UTRN: variants seen among roughly 807,000 people sequenced by gnomAD.
UTRN encodes dystrophin-related protein 1.
In UTRN, 283 loss-of-function variants were observed where a neutral mutation model predicts 463.9. The observed-to-expected ratio is 0.61, with a 90% CI of 0.55 to 0.67. The LOEUF (loss-of-function observed/expected upper bound fraction) is 0.67. UTRN is among the 30% of genes least tolerant of loss of function. UTRN has a pLI of 0.00. For synonymous variants in UTRN, 1,442 were observed against 1,431.5 expected, an observed-to-expected ratio of 1.01 and a Z score of -0.17; for missense variants, 3,922 against 4,084.3, an observed-to-expected ratio of 0.96 and a Z score of 1.08.
At chr6:144,412,870 G>T (rs940607838) in intron 3 of UTRN, among the ~76,000 whole-genome samples, 1 of 151,830 alleles carries the variant, frequency 6.6e-6, no homozygotes, top group Non-Finnish European at 1.5e-5. Context: ...ATAAATAATA[G>T]AATAATCAGT....
chr6:144,730,309 G>C, intron 53 of UTRN, 48 bp from the exon 54 acceptor site: 1 of 1,486,410 alleles, frequency 6.7e-7, no homozygotes, highest in Non-Finnish European at 9.0e-7. Context: ...CCCATAATTT[G>C]GTGAACACGT....
At chr6:144,768,953 G>GTTTTTTTTTTTTT (rs1224806677) in intron 58 of UTRN, among the ~76,000 whole-genome samples, 14 of 105,078 alleles carry the variant, frequency 1.3e-4, no homozygotes, top group East Asian at 1.0e-3. Flanking sequence ...TTTTTGTTTT[G>GTTTTTTTTTTTTT]TTTTGTTTTT....
chr6:144,725,665 G>A (rs1442251875), intron 53 of UTRN, among the ~76,000 whole-genome samples: 1 of 152,162 alleles, frequency 6.6e-6, no homozygotes, highest in African/African-American at 2.4e-5. Context: ...TTCACCAGGT[G>A]GTTGGGAAAT....
At chr6:144,603,104 C>CT (rs1006132992) in intron 51 of UTRN, among the ~76,000 whole-genome samples, 1 of 152,054 alleles carries the variant, frequency 6.6e-6, no homozygotes, top group African/African-American at 2.4e-5. Context: ...TTGTTTGATT[C>CT]TCCCTAATAG....
At chr6:144,700,037 A>C in intron 52 of UTRN, 50 bp from the exon 53 acceptor site, 1 of 1,512,836 alleles carries the variant, frequency 6.6e-7, no homozygotes, top group Non-Finnish European at 8.9e-7. Context: ...TTGTGAATGT[A>C]ATTTGCATTT....
At chr6:144,675,066 C>T (rs1336838923) in intron 51 of UTRN, among the ~76,000 whole-genome samples, 3 of 152,060 alleles carry the variant, frequency 2.0e-5, no homozygotes, top group Admixed American at 2.0e-4. Flanking sequence ...TTTTAGTTCC[C>T]CTTCTCATTT....
chr6:144,707,988 T>C (rs1785261686), intron 53 of UTRN: 1 of 182,398 alleles, frequency 5.5e-6, no homozygotes, highest in Admixed American at 6.2e-5. Context: ...AGGAGACCTA[T>C]GGACAAATAT....
At position 144,548,794 on chromosome 6, in the gene UTRN, G is replaced by A; in HGVS notation, c.6750G>A (p.Lys2250=). ...DWLVLIDQML[K]SNIVTVGDVE... ...TGGTATTAATCGACCAGATGCTGAA[G>A]TCCAACATTGTCACTGTTGGGGATG... The change falls in exon 47 of 75, where the codon AAG becomes AAA. Residue 2250 remains lysine (K), a synonymous_variant. Coordinates refer to ENST00000367545, the MANE Select transcript of UTRN (RefSeq NM_007124.3). 1 of 1,614,028 alleles carries A rather than the reference G, an allele frequency of 6.2e-7. No homozygotes were observed. Among genetic ancestry groups the A allele is most frequent in the South Asian group, 1.1e-5 (1 of 91,070 alleles).
intron 2 of UTRN, among the ~76,000 whole-genome samples, chr6:144,316,209 A>G (rs1160358713): frequency 6.6e-6 from 1 of 152,184 alleles, no homozygotes; most frequent in Non-Finnish European, 1.5e-5. Context: ...AAAGTCTCTA[A>G]AAAACAAAAC....
intron 33 of UTRN, 73 bp downstream of exon 33, chr6:144,493,529 TTC>T: frequency 4.2e-6 from 6 of 1,444,554 alleles, no homozygotes; most frequent in Non-Finnish European, 5.6e-6. Context: ...CTCTCTCTCG[TTC>T]TCTCTCATGT....
Position 144,447,657 on chromosome 6 carries a change from T to C in UTRN, c.1778T>C (p.Ile593Thr), listed in dbSNP as rs1399084880. The C allele has an allele frequency of 3.1e-6, 5 of 1,613,954 alleles. No homozygotes were observed. The highest frequency in any genetic ancestry group is 3.4e-6 in the Non-Finnish European group (4 of 1,179,932). Residue 593 changes from isoleucine to threonine, a missense_variant, in exon 16 of 75, where the codon ATT becomes ACT. Physicochemically the swap from Ile to Thr is moderately conservative, Grantham distance 89. This residue lies in a region of UTRN where 2,349 missense variants were observed against 2,303.8 expected (regional missense o/e 1.02). Coordinates refer to ENST00000367545, the MANE Select transcript of UTRN (RefSeq NM_007124.3). ...CAAACATTGGATCAGCTGAGTGAGA[T>C]TGGCCAGGATGTGGGACAATTACTT... ...KRQTLDQLSEIGQDVGQLLDN... is the reference protein window; with the variant it reads ...KRQTLDQLSETGQDVGQLLDN...
intron 53 of UTRN, among the ~76,000 whole-genome samples, chr6:144,714,959 G>A (rs1285622564): frequency 6.6e-6 from 1 of 151,210 alleles, no homozygotes; most frequent in African/African-American, 2.5e-5. Flanking sequence ...TTCCCTTCCT[G>A]GTTCTTCCTT....
At chr6:144,733,075 T>C (rs897660199) in intron 54 of UTRN, among the ~76,000 whole-genome samples, 1 of 152,206 alleles carries the variant, frequency 6.6e-6, no homozygotes, top group Non-Finnish European at 1.5e-5. Flanking sequence ...AGGCATATAA[T>C]TGAGACTACT....
intron 12 of UTRN, among the ~76,000 whole-genome samples, chr6:144,439,498 C>CT (rs201351028): frequency 9.9e-5 from 15 of 151,654 alleles, no homozygotes; most frequent in African/African-American, 3.6e-4. Flanking sequence ...TTCTTTCTTT[C>CT]TTTCTTTTTT....
intron 42 of UTRN, among the ~76,000 whole-genome samples, chr6:144,532,616 A>G (rs1316629229): frequency 6.6e-6 from 1 of 152,238 alleles, no homozygotes; most frequent in Non-Finnish European, 1.5e-5. Context: ...CAACCAAACC[A>G]TATCAACCAG....
At chr6:144,576,928 A>G (rs531246238) in intron 50 of UTRN, among the ~76,000 whole-genome samples, 171 bp from the exon 51 acceptor site, 1 of 152,206 alleles carries the variant, frequency 6.6e-6, no homozygotes, top group Admixed American at 6.5e-5. Context: ...TGATCCCTCC[A>G]CTAAGGATTA....
At chr6:144,496,267 T>C (rs1793637149) in intron 33 of UTRN, among the ~76,000 whole-genome samples, 1 of 152,210 alleles carries the variant, frequency 6.6e-6, no homozygotes, top group Non-Finnish European at 1.5e-5. Flanking sequence ...AGTTTCTATA[T>C]AAGCCCAGAG....
intron 2 of UTRN, among the ~76,000 whole-genome samples, chr6:144,359,192 A>C (rs1778825066): frequency 6.6e-6 from 1 of 152,224 alleles, no homozygotes; most frequent in Admixed American, 6.5e-5. Flanking sequence ...ACCGTGAGAC[A>C]GTTCCATTTT....
intron 2 of UTRN, among the ~76,000 whole-genome samples, chr6:144,388,481 A>ATTATTTATTTATTTATTTATTTATTTAT (rs57479570): frequency 1.4e-5 from 2 of 143,886 alleles, no homozygotes; most frequent in African/African-American, 5.3e-5. Context: ...CCTGGCTAAT[A>ATTATTTATTTATTTATTTATTTATTTAT]TTATTTATTT....
Sources: gnomAD v4.1 joint callset for allele counts (sites outside exome capture counted in the v4.1 genomes callset) on GRCh38, gnomAD v4.1.1 for gene constraint, gnomAD v4.1.1 regional missense constraint, MANE v1.5 for transcripts, NCBI Gene and HGNC (gene_info 2026-07-23, HGNC 2026-07-21) for gene names.